The following CNTNAP5 variants were observed in gnomAD, a reference collection of about 807,000 sequenced individuals.
CNTNAP5 encodes contactin associated protein family member 5, also known as contactin-associated protein-like 5.
CNTNAP5 carries 72 observed loss-of-function variants against 150.2 expected under a neutral mutation model. The ratio of observed to expected loss-of-function variants is 0.48; its 90% CI spans 0.40 to 0.58. CNTNAP5 has a LOEUF of 0.58. Ranked by LOEUF, CNTNAP5 falls within the 20% of genes least tolerant of loss-of-function variation. The pLI, the probability that CNTNAP5 is intolerant of heterozygous loss-of-function variation, is 0.00. For synonymous variants in CNTNAP5, 672 were observed against 619.8 expected (o/e 1.08, Z -1.25); for missense variants, 1,636 against 1,626.2 (o/e 1.01, Z -0.10).
intron 3 of CNTNAP5, among the ~76,000 whole-genome samples, chr2:124,269,556 A>C (rs1190570956): frequency 6.6e-6 from 1 of 152,154 alleles, no homozygotes; most frequent in African/African-American, 2.4e-5. Context: ...AGCCATGATA[A>C]GCACCAGGGA....
intron 1 of CNTNAP5, among the ~76,000 whole-genome samples, chr2:124,064,879 T>C (rs542845562): frequency 1.3e-5 from 2 of 152,306 alleles, no homozygotes; most frequent in South Asian, 4.1e-4. Flanking sequence ...TCAGGTTTCA[T>C]ATACAATGTT....
intron 1 of CNTNAP5, among the ~76,000 whole-genome samples, chr2:124,118,108 C>A (rs1683472411): frequency 6.6e-6 from 1 of 152,004 alleles, no homozygotes. Flanking sequence ...CTTTTAAAAT[C>A]ATTTTTCTTT....
chr2:124,894,733 T>C (rs1178387025), intron 21 of CNTNAP5, among the ~76,000 whole-genome samples: 1 of 151,078 alleles, frequency 6.6e-6, no homozygotes, highest in Non-Finnish European at 1.5e-5. Context: ...TTAAAATTCT[T>C]TATAGAGACG....
At chr2:124,674,507 TTCTCTTTC>T (rs1391114732) in intron 13 of CNTNAP5, among the ~76,000 whole-genome samples, 135 of 65,650 alleles carry the variant, frequency 2.1e-3, no homozygotes, top group African/African-American at 3.3e-3. Flanking sequence ...CTTTCTTTCT[TTCTCTTTC>T]TTTCTTTCTT....
intron 3 of CNTNAP5, among the ~76,000 whole-genome samples, chr2:124,402,840 A>G (rs1291469958): frequency 6.6e-6 from 1 of 152,196 alleles, no homozygotes; most frequent in African/African-American, 2.4e-5. Context: ...CCTCAAATCT[A>G]TCATTTCAGA....
At chr2:124,037,904 T>C (rs979612774) in intron 1 of CNTNAP5, among the ~76,000 whole-genome samples, 1 of 152,232 alleles carries the variant, frequency 6.6e-6, no homozygotes, top group African/African-American at 2.4e-5. Context: ...ACAATTTATA[T>C]AGACCAATTA....
chr2:124,914,164 A>T lies in CNTNAP5; in HGVS notation c.3800A>T (p.Lys1267Met). ...ATGACCCGGTTCCTCTACCAGCACA[A>T]GCAGTCACATCGTACGAGCCAGATG... ...GIMTRFLYQHKQSHRTSQMKE... is the reference protein window; with the variant it reads ...GIMTRFLYQHMQSHRTSQMKE... Residue 1267 changes from lysine (K) to methionine (M), a missense_variant, in exon 24 of 24, where the codon AAG (lysine) becomes ATG (methionine). Physicochemically the swap from Lys to Met is moderately conservative, Grantham distance 95. Transcript: ENST00000682447. 6.2e-7 allele frequency: 1 copy of T among 1,612,596 alleles called. No individual in the cohort carries two copies. The highest frequency in any genetic ancestry group is 8.5e-7 in the Non-Finnish European group (1 of 1,179,020).
At position 124,884,806 on chromosome 2, in the gene CNTNAP5, T is replaced by C. The variant is rs999585934; in HGVS notation, c.3436+15044T>C. Among the ~76,000 whole-genome samples, 7 of 152,150 alleles carry C rather than the reference T, an allele frequency of 4.6e-5. No homozygotes were observed. In the South Asian group the frequency reaches 1.2e-3, roughly 27 times the overall value. ...CAACATTACTCTCACCTACCTGTAA[T>C]AACCCCTCAGTCTCATAGCACTTCT... On this transcript the variant is annotated intron_variant, in intron 21 of 23. Coordinates refer to ENST00000682447, the MANE Select transcript of CNTNAP5 (RefSeq NM_001367498.1).
chr2:124,621,335 A>G (rs1340131363), intron 12 of CNTNAP5, among the ~76,000 whole-genome samples: 1 of 152,210 alleles, frequency 6.6e-6, no homozygotes, highest in African/African-American at 2.4e-5. Context: ...ATCAGGCATT[A>G]CAAGGAATTT....
chr2:124,238,198 A>T (rs1218890896), intron 2 of CNTNAP5, among the ~76,000 whole-genome samples: 1 of 152,150 alleles, frequency 6.6e-6, no homozygotes, highest in East Asian at 1.9e-4. Flanking sequence ...CTTGTAGCCC[A>T]GGGAAGACCT....
At chr2:124,582,253 G>A (rs1696431069) in intron 11 of CNTNAP5, among the ~76,000 whole-genome samples, 1 of 152,060 alleles carries the variant, frequency 6.6e-6, no homozygotes, top group South Asian at 2.1e-4. Flanking sequence ...GCACAGGCAG[G>A]CACAAAGCAG....
At chr2:124,211,005 T>C (rs1054743516) in intron 1 of CNTNAP5, among the ~76,000 whole-genome samples, 5 of 152,180 alleles carry the variant, frequency 3.3e-5, no homozygotes, top group African/African-American at 1.2e-4. Context: ...GATAGCATGA[T>C]ACATGATGCC....
intron 7 of CNTNAP5, among the ~76,000 whole-genome samples, chr2:124,489,802 G>A (rs903527738): frequency 1.3e-5 from 2 of 152,106 alleles, no homozygotes; most frequent in African/African-American, 4.8e-5. Flanking sequence ...CCAGGCTGCA[G>A]AAGAAAGGAA....
At chr2:124,275,486 CA>C (rs111520969) in intron 3 of CNTNAP5, among the ~76,000 whole-genome samples, 1 of 151,950 alleles carries the variant, frequency 6.6e-6, no homozygotes, top group Non-Finnish European at 1.5e-5. Flanking sequence ...AAATCCAGCA[CA>C]AAAAAAATCT....
chr2:124,447,773 C>T (rs1303598500), intron 6 of CNTNAP5, among the ~76,000 whole-genome samples: 1 of 152,144 alleles, frequency 6.6e-6, no homozygotes, highest in Non-Finnish European at 1.5e-5. Context: ...GGAGATGCTG[C>T]TAAGCCTTGA....
intron 3 of CNTNAP5, among the ~76,000 whole-genome samples, chr2:124,384,886 C>T (rs138686786): frequency 5.4e-4 from 82 of 152,300 alleles, no homozygotes; most frequent in African/African-American, 1.7e-3. Flanking sequence ...GCCTACCTTT[C>T]CCATCCACAA....
chr2:124,399,796 T>C (rs916237409), intron 3 of CNTNAP5, among the ~76,000 whole-genome samples: 3 of 152,140 alleles, frequency 2.0e-5, no homozygotes, highest in Non-Finnish European at 4.4e-5. Context: ...CCTCAAATAA[T>C]TTTGAATAGT....
At chr2:124,736,720 C>G (rs759663306) in intron 13 of CNTNAP5, among the ~76,000 whole-genome samples, 16 of 152,120 alleles carry the variant, frequency 1.1e-4, no homozygotes, top group Non-Finnish European at 1.9e-4. Context: ...TATATAGAAG[C>G]TAAAGGCATC....
intron 13 of CNTNAP5, among the ~76,000 whole-genome samples, chr2:124,702,346 C>CTTT (rs71412792): frequency 1.5e-4 from 8 of 52,250 alleles, no homozygotes; most frequent in East Asian, 9.6e-4. Flanking sequence ...ACTATGAACA[C>CTTT]TTTTTTTTTT....
Sources: allele counts gnomAD v4.1 joint callset (sites outside exome capture counted in the v4.1 genomes callset), GRCh38; gene constraint gnomAD v4.1.1; transcripts MANE v1.5; gene names NCBI Gene and HGNC (gene_info 2026-07-23, HGNC 2026-07-21).